Variants in PIF1 observed in about 807,000 individuals in gnomAD.
PIF1 encodes the protein ATP-dependent DNA helicase PIF1.
A neutral mutation model predicts 62.3 loss-of-function variants in PIF1; 67 were observed. The observed-to-expected ratio is 1.08, with a 90% CI of 0.88 to 1.32. The LOEUF is 1.32. Ranked by LOEUF, PIF1 falls within the 40% of genes most tolerant of loss-of-function variation. PIF1 has a pLI of 0.00. For synonymous variants in PIF1, 364 were observed against 379.5 expected, an observed-to-expected ratio of 0.96 and a Z score of 0.47; for missense variants, 886 against 866.1, an observed-to-expected ratio of 1.02 and a Z score of -0.29.
At chr15:64,816,471 G>A (rs2084184895) in intron 12 of PIF1, 103 bp downstream of exon 12, 2 of 1,592,366 alleles carry the variant, frequency 1.3e-6, no homozygotes, top group Non-Finnish European at 1.7e-6. Flanking sequence ...CCAGCAGAGG[G>A]CTTTTCTGCC....
Position 64,821,467 on chromosome 15 carries a change from G to C in PIF1, c.871C>G (p.Pro291Ala). 1 of 1,614,072 alleles carries C rather than the reference G, an allele frequency of 6.2e-7. No individual in the cohort carries two copies. The highest frequency in any genetic ancestry group is 1.1e-5 in the South Asian group (1 of 91,050). Residue 291 changes from proline to alanine, a missense_variant, in exon 5 of 13, where the codon CCA (proline) becomes GCA (alanine). Transcript: ENST00000559239. The stretch of plus-strand genomic sequence containing the variant: ...TTCAGCCAGCCCTGCCGCACGCCTG[G>C]CCTTTGGGCCAGGGCCACACACTGG... ...LAQCVALAQRPGVRQGWLNCQ... is the reference protein window; with the variant it reads ...LAQCVALAQRAGVRQGWLNCQ...
intron 7 of PIF1, among the ~76,000 whole-genome samples, chr15:64,820,339 G>A (rs542541626): frequency 1.3e-5 from 2 of 152,288 alleles, no homozygotes; most frequent in East Asian, 3.9e-4. Flanking sequence ...TGGCCTCCAG[G>A]GTACAATCTT....
rs1443756788 is a variant in PIF1 at position 64,817,458 on chromosome 15, T to C, written c.1674+488A>G. Among the ~76,000 whole-genome samples the C allele has an allele frequency of 2.0e-5, 3 of 151,566 alleles. No homozygotes were observed. In the South Asian group the frequency reaches 6.3e-4, roughly 32 times the overall value. On this transcript the variant is annotated intron_variant, in intron 11 of 12. Coordinates refer to ENST00000559239, the MANE Select transcript of PIF1 (RefSeq NM_001286496.2). ...TACTCGGGAGGCTGAGGCAGGAGAATGGTGTGAACCTGGGAGGCGGAGCTT... is the reference window on the plus strand; with the variant it reads ...TACTCGGGAGGCTGAGGCAGGAGAACGGTGTGAACCTGGGAGGCGGAGCTT...
intron 8 of PIF1, 24 bp from the exon 9 acceptor site, chr15:64,819,247 CAG>C (rs1567084651): frequency 6.6e-7 from 1 of 1,512,562 alleles, no homozygotes. Flanking sequence ...GTTGAGCAAA[CAG>C]ATCACAAATC....
upstream of PIF1, among the ~76,000 whole-genome samples, chr15:64,826,665 T>TATATATATATATACACAC (rs796684934): frequency 3.0e-4 from 13 of 42,792 alleles, no homozygotes; most frequent in Non-Finnish European, 4.7e-4. Flanking sequence ...TATATATATA[T>TATATATATATATACACAC]ACACACACAC....
intron 2 of PIF1, 81 bp from the exon 3 acceptor site, chr15:64,822,691 T>C: frequency 6.3e-7 from 1 of 1,580,626 alleles, no homozygotes; most frequent in Non-Finnish European, 8.6e-7. Flanking sequence ...TGTGCAATGC[T>C]GGGCCTGGTA....
Position 64,822,481 on chromosome 15 carries a change from C to T in PIF1, c.688G>A (p.Ala230Thr). The T allele has an allele frequency of 1.1e-5, 17 of 1,614,078 alleles. No individual in the cohort carries two copies. The highest frequency in any genetic ancestry group is 1.4e-5 in the Non-Finnish European group (16 of 1,180,020). ...KGQSIFFTGS[A>T]GTGKSYLLKR... The stretch of plus-strand genomic sequence containing the variant: ...ACCTCCTCTCTGCCCCCACTACCTG[C>T]ACTCCCAGTGAAGAAGATGCTCTGG... Residue 230 changes from alanine (A) to threonine (T), a missense_variant, in exon 3 of 13, where the codon GCA becomes ACA. Physicochemically the swap from Ala to Thr is moderately conservative, Grantham distance 58 (BLOSUM62 0). Coordinates refer to ENST00000559239, the MANE Select transcript of PIF1 (RefSeq NM_001286496.2).
Position 64,815,975 on chromosome 15 carries a change from G to T in PIF1, c.*323C>A, listed in dbSNP as rs1462702673. 55 of 1,536,048 alleles carry T rather than the reference G, an allele frequency of 3.6e-5. No homozygotes were observed. The highest frequency in any genetic ancestry group is 4.5e-5 in the Non-Finnish European group (51 of 1,139,410). The stretch of plus-strand genomic sequence containing the variant: ...TGAAAGGAGGGATGTTCAGGACTCT[G>T]CAGCTCTGTGTCCAGCCCTTGCAGA... On this transcript the variant is annotated 3_prime_UTR_variant, in exon 13 of 13. Transcript: ENST00000559239.
intron 7 of PIF1, 42 bp from the exon 8 acceptor site, chr15:64,820,028 C>A: frequency 1.9e-6 from 3 of 1,594,344 alleles, no homozygotes; most frequent in South Asian, 1.1e-5. Context: ...ACCTGTGCAG[C>A]AGGGGAGGTG....
In PIF1 at chr15:64,824,250, C is replaced by A. The variant is rs986515715; in HGVS notation, c.86G>T (p.Gly29Val). Reference sequence around the variant, plus strand: ...GGCCTGGCGCCTTCGCGGCTGCCCGCCCGGGCTCAGCTCCTCCACAGCCAC... The same window carrying A: ...GGCCTGGCGCCTTCGCGGCTGCCCGACCGGGCTCAGCTCCTCCACAGCCAC... The part of the protein sequence containing the change: ...CRVAVEELSP[G>V]GQPRRRQALR... The change falls in exon 2 of 13, where the codon GGC (glycine) becomes GTC (valine). Residue 29 changes from glycine to valine, a missense_variant. Physicochemically the swap from Gly to Val is moderately radical, Grantham distance 109 (BLOSUM62 -3). Coordinates refer to ENST00000559239, the MANE Select transcript of PIF1 (RefSeq NM_001286496.2). 1.8e-5 allele frequency: 23 copies of A among 1,310,458 alleles called. No individual in the cohort carries two copies. The highest frequency in any genetic ancestry group is 2.1e-5 in the Non-Finnish European group (22 of 1,024,464). The allele number at this position is 1,310,458 out of a possible 1,614,324, so 81.2% of individuals were successfully genotyped here. A position where few individuals can be genotyped will look rare whatever the true frequency, so the allele number is the denominator to read the frequency against.
intron 7 of PIF1, among the ~76,000 whole-genome samples, chr15:64,820,339 G>C (rs542541626): frequency 6.6e-6 from 1 of 152,170 alleles, no homozygotes; most frequent in African/African-American, 2.4e-5. Flanking sequence ...TGGCCTCCAG[G>C]GTACAATCTT....
rs2084262746 is a variant in PIF1, at chr15:64,819,980, T to C, written c.1200A>G (p.Ser400=). The C allele has an allele frequency of 6.2e-7, 1 of 1,613,548 alleles. No homozygotes were observed. Among genetic ancestry groups the C allele is most frequent in the African/African-American group, 1.3e-5 (1 of 74,946 alleles). Residue 400 remains serine (S), a synonymous_variant, in exon 8 of 13, where the codon TCA becomes TCG. Coordinates refer to ENST00000559239, the MANE Select transcript of PIF1 (RefSeq NM_001286496.2). ...LLQAVRLGRC[S]DEVTRQLQAT... Reference sequence around the variant, plus strand: ...CCTGGAGCTGGCGGGTCACCTCATCTGAACACCTGTTGGGGCTGGACTGTC... The same window carrying C: ...CCTGGAGCTGGCGGGTCACCTCATCCGAACACCTGTTGGGGCTGGACTGTC...
chr15:64,816,207 C>T lies in PIF1; in HGVS notation c.*91G>A. The T allele has an allele frequency of 6.3e-7, 1 of 1,591,918 alleles. No homozygotes were observed. Among genetic ancestry groups the T allele is most frequent in the Non-Finnish European group, 8.6e-7 (1 of 1,169,420 alleles). ...TACAGAAGGGGACACTGCCTGCCTA[C>T]TCCAGTTATTCCCTGGGGCCCTGGG... On this transcript the variant is annotated 3_prime_UTR_variant, in exon 13 of 13. Transcript: ENST00000559239.
At chr15:64,821,598 G>C in intron 4 of PIF1, 78 bp from the exon 5 acceptor site, 1 of 1,429,558 alleles carries the variant, frequency 7.0e-7, no homozygotes. Context: ...TTGAGAGAAG[G>C]TCTCTTTCTG....
chr15:64,819,938 C>A lies in PIF1; in HGVS notation c.1242G>T (p.Lys414Asn), dbSNP rs1257175367. Residue 414 changes from lysine to asparagine, a missense_variant, in exon 8 of 13, where the codon AAG becomes AAT. Physicochemically the swap from Lys to Asn is moderately conservative, Grantham distance 94 (BLOSUM62 0). Coordinates refer to ENST00000559239, the MANE Select transcript of PIF1 (RefSeq NM_001286496.2). ...TRQLQATASH[K>N]VGRDGIVATR... is the part of the protein sequence containing the mutation. ...TGGCCACAATCCCATCTCGCCCCAC[C>A]TTGTGGGAAGCTGTGGCCTGGAGCT... 1 of 1,614,214 alleles carries A rather than the reference C, an allele frequency of 6.2e-7. No individual in the cohort carries two copies. The highest frequency in any genetic ancestry group is 2.2e-5 in the East Asian group (1 of 44,878).
chr15:64,820,020 C>T (rs763767814), intron 7 of PIF1, 34 bp from the exon 8 acceptor site: 1 of 1,602,850 alleles, frequency 6.2e-7, no homozygotes. Context: ...CAGAGCCCAC[C>T]TGTGCAGCAG....
In PIF1 at chr15:64,818,243, C is replaced by G. The variant is rs1033453418; in HGVS notation, c.1528+14G>C. On this transcript the variant is annotated intron_variant, in intron 10 of 12. Coordinates refer to ENST00000559239, the MANE Select transcript of PIF1 (RefSeq NM_001286496.2). The stretch of plus-strand genomic sequence containing the variant: ...AGCCCCGTAGCAGGACTGCCACCTC[C>G]TCCCAACACTTACCTCTCCCTTCTG... 1 of 1,613,960 alleles carries G rather than the reference C, an allele frequency of 6.2e-7. No individual in the cohort carries two copies. Among genetic ancestry groups the G allele is most frequent in the African/African-American group, 1.3e-5 (1 of 74,922 alleles).
At chr15:64,826,098 C>T (rs1048656029), upstream of PIF1, among the ~76,000 whole-genome samples, 1 of 152,100 alleles carries the variant, frequency 6.6e-6, no homozygotes, top group Non-Finnish European at 1.5e-5. Context: ...CACCCCAAGG[C>T]CTGCCCAATC....
In PIF1 at chr15:64,819,990, T is replaced by C; in HGVS notation, c.1194-4A>G. ...GCGGGTCACCTCATCTGAACACCTGTTGGGGCTGGACTGTCAGGGCAGAGC... is the reference window on the plus strand; with the variant it reads ...GCGGGTCACCTCATCTGAACACCTGCTGGGGCTGGACTGTCAGGGCAGAGC... On this transcript the variant is annotated splice_region_variant and splice_polypyrimidine_tract_variant and intron_variant, in intron 7 of 12. Transcript: ENST00000559239. The C allele has an allele frequency of 6.2e-7, 1 of 1,613,124 alleles. No homozygotes were observed. Among genetic ancestry groups the C allele is most frequent in the African/African-American group, 1.3e-5 (1 of 75,036 alleles).
Sources: allele counts gnomAD v4.1 joint callset (sites outside exome capture counted in the v4.1 genomes callset), GRCh38; gene constraint gnomAD v4.1.1; transcripts MANE v1.5; gene names NCBI Gene and HGNC (gene_info 2026-07-23, HGNC 2026-07-21).